The following CDIN1 variants were observed in gnomAD, a reference collection of about 807,000 sequenced individuals.
CDIN1 encodes the protein CDAN1 interacting nuclease 1.
Under a neutral mutation model 45.3 loss-of-function variants are expected in CDIN1, and 33 were observed. The ratio of observed to expected loss-of-function variants is 0.73; its 90% CI spans 0.55 to 0.97. The LOEUF is 0.97. Among genes scored for constraint, CDIN1 ranks in the 50% least tolerant of loss-of-function variants. The pLI, the probability that CDIN1 is intolerant of heterozygous loss-of-function variation, is 0.00. For synonymous variants in CDIN1, 118 were observed against 124.4 expected (o/e 0.95, Z 0.34); for missense variants, 303 against 339.4 (o/e 0.89, Z 0.84).
chr15:36,729,245 G>A (rs1355024434), intron 10 of CDIN1, among the ~76,000 whole-genome samples: 1 of 152,132 alleles, frequency 6.6e-6, no homozygotes, highest in African/African-American at 2.4e-5. Flanking sequence ...GTACTTTCTA[G>A]TAGGTGGATC....
rs536501989 is a variant in CDIN1 at position 36,654,020 on chromosome 15, A to G, written c.213-78A>G. On this transcript the variant is annotated intron_variant, in intron 3 of 10. Coordinates refer to ENST00000566621, the MANE Select transcript of CDIN1 (RefSeq NM_001321759.2). The stretch of plus-strand genomic sequence containing the variant: ...TGGCATTTGTCCAGGAGAAACATGT[A>G]TACACACAGGGGATGCTGACAAGTC... 737 of 1,072,502 alleles carry G rather than the reference A, an allele frequency of 6.9e-4. 2 individuals are homozygous for G. Among genetic ancestry groups the G allele is most frequent in the Admixed American group, 1.3e-3 (62 of 49,098 alleles). 66.4% of individuals were successfully genotyped at this position (1,072,502 alleles called of 1,614,324 possible).
chr15:36,740,175 T>G (rs2044180193), intron 10 of CDIN1, among the ~76,000 whole-genome samples: 1 of 152,204 alleles, frequency 6.6e-6, no homozygotes, highest in African/African-American at 2.4e-5. Flanking sequence ...AAGCCTACAT[T>G]TCTTAAACTT....
rs560294639 is a variant in CDIN1, at chr15:36,599,514, A to T, written c.101+19553A>T. The stretch of plus-strand genomic sequence containing the variant: ...TGATCCATGAAATTTTAGTAAGTGT[A>T]TTAAATAAAACAATATGATGTGCAC... On this transcript the variant is annotated intron_variant, in intron 1 of 10. Transcript: ENST00000566621. 1.8e-4 allele frequency among the ~76,000 whole-genome samples: 27 copies of T among 152,338 alleles called. 1 individual carries two copies. The South Asian group carries it at 5.6e-3, about 32-fold the overall frequency.
intron 10 of CDIN1, among the ~76,000 whole-genome samples, chr15:36,710,584 G>A (rs924962374): frequency 6.6e-6 from 1 of 152,064 alleles, no homozygotes; most frequent in Non-Finnish European, 1.5e-5. Context: ...AGTTATCATG[G>A]GGCTGCATTT....
chr15:36,745,420 G>A (rs1299746477), intron 10 of CDIN1, among the ~76,000 whole-genome samples: 1 of 151,840 alleles, frequency 6.6e-6, no homozygotes. Context: ...ATCTAATTCT[G>A]GTCTCATTAT....
At chr15:36,695,703 T>C (rs73381757) in intron 7 of CDIN1, among the ~76,000 whole-genome samples, 5,053 of 152,056 alleles carry the variant, frequency 0.033, 297 homozygotes, top group African/African-American at 0.12. Context: ...AAAAATTAGC[T>C]GGGCGTGGTC....
intron 5 of CDIN1, among the ~76,000 whole-genome samples, chr15:36,664,809 G>A (rs1469882544): frequency 3.9e-5 from 6 of 152,208 alleles, no homozygotes; most frequent in Admixed American, 6.5e-5. Flanking sequence ...GCCTCCCAAA[G>A]TGCTGGGATT....
At chr15:36,663,679 C>T (rs1464989719) in intron 5 of CDIN1, among the ~76,000 whole-genome samples, 1 of 152,180 alleles carries the variant, frequency 6.6e-6, no homozygotes, top group East Asian at 1.9e-4. Context: ...TAATTCCTAG[C>T]ACTTTCCTAT....
intron 10 of CDIN1, among the ~76,000 whole-genome samples, chr15:36,752,149 C>T (rs1566950414): frequency 6.6e-6 from 1 of 151,884 alleles, no homozygotes; most frequent in Non-Finnish European, 1.5e-5. Flanking sequence ...CCCCAGAACT[C>T]GAAATAAAAG....
At chr15:36,668,860 T>C (rs1566883564) in intron 5 of CDIN1, 1 of 152,030 alleles carries the variant, frequency 6.6e-6, no homozygotes, top group Non-Finnish European at 1.5e-5. Context: ...CCTTTCAAAG[T>C]TAAACAGATT....
intron 1 of CDIN1, among the ~76,000 whole-genome samples, chr15:36,592,344 T>TAAAGG (rs2037617920): frequency 2.0e-5 from 3 of 152,184 alleles, no homozygotes; most frequent in Admixed American, 2.0e-4. Flanking sequence ...CCACAGAAAT[T>TAAAGG]GGCAAATGGT....
chr15:36,782,867 A>G (rs2054387303), intron 10 of CDIN1, among the ~76,000 whole-genome samples: 1 of 152,178 alleles, frequency 6.6e-6, no homozygotes, highest in African/African-American at 2.4e-5. Flanking sequence ...TGTACTAACA[A>G]TTGTTTATTA....
At chr15:36,794,592 C>A (rs1364541632) in intron 10 of CDIN1, among the ~76,000 whole-genome samples, 1 of 152,114 alleles carries the variant, frequency 6.6e-6, no homozygotes, top group Non-Finnish European at 1.5e-5. Context: ...TAATTTATAT[C>A]CTTGGGGTTC....
intron 1 of CDIN1, among the ~76,000 whole-genome samples, chr15:36,582,425 T>C (rs1246350317): frequency 6.6e-6 from 1 of 152,150 alleles, no homozygotes; most frequent in Non-Finnish European, 1.5e-5. Flanking sequence ...TTAGTGAAAG[T>C]CTTGTTTTGT....
intron 1 of CDIN1, among the ~76,000 whole-genome samples, chr15:36,636,885 T>C (rs1224418273): frequency 6.6e-6 from 1 of 152,232 alleles, no homozygotes; most frequent in African/African-American, 2.4e-5. Flanking sequence ...AAAGAGTATG[T>C]AACTTTTAAG....
At chr15:36,657,758 G>T in intron 4 of CDIN1, 75 bp from the exon 5 acceptor site, 1 of 1,153,744 alleles carries the variant, frequency 8.7e-7, no homozygotes, top group Non-Finnish European at 1.3e-6. Context: ...TTATTCTTCA[G>T]TGTTGACAAA....
intron 8 of CDIN1, among the ~76,000 whole-genome samples, chr15:36,698,713 A>G (rs763710353): frequency 6.6e-6 from 1 of 152,118 alleles, no homozygotes; most frequent in Admixed American, 6.6e-5. Context: ...TAAGCCACCA[A>G]CTAAGCAGCA....
intron 5 of CDIN1, chr15:36,691,230 T>A (rs2042239160): frequency 1.9e-6 from 1 of 517,236 alleles, no homozygotes; most frequent in Admixed American, 1.9e-5. Context: ...TTAATTGATA[T>A]AATTAAAGCA....
At chr15:36,645,424 G>A in intron 3 of CDIN1, 137 bp downstream of exon 3, 1 of 764,820 alleles carries the variant, frequency 1.3e-6, no homozygotes, top group South Asian at 2.1e-5. Flanking sequence ...AAAACTTTTA[G>A]TATGTTTTTG....
Sources: allele counts gnomAD v4.1 joint callset (sites outside exome capture counted in the v4.1 genomes callset), GRCh38; gene constraint gnomAD v4.1.1; transcripts MANE v1.5; gene names NCBI Gene and HGNC (gene_info 2026-07-23, HGNC 2026-07-21).